Variants in FLOT1 observed in about 807,000 individuals in gnomAD.
FLOT1 encodes the protein flotillin-1.
Under a neutral mutation model 58.4 loss-of-function variants are expected in FLOT1, and 40 were observed. The ratio of observed to expected loss-of-function variants is 0.69; its 90% CI spans 0.53 to 0.89. FLOT1 has a LOEUF of 0.89. Ranked by LOEUF, FLOT1 falls within the 40% of genes least tolerant of loss-of-function variation. FLOT1 has a pLI of 0.00. For synonymous variants in FLOT1, 178 were observed against 204.2 expected (o/e 0.87, Z 1.09); for missense variants, 423 against 540.8 (o/e 0.78, Z 2.16).
chr6:30,728,262 T>C, intron 12 of FLOT1, 117 bp from the exon 13 acceptor site: 1 of 833,162 alleles, frequency 1.2e-6, no homozygotes, highest in Non-Finnish European at 2.0e-6. Flanking sequence ...CGGCCAGGGT[T>C]CTTTCTGGTG....
chr6:30,734,072 A>AAAG (rs1777397004), intron 8 of FLOT1, among the ~76,000 whole-genome samples: 1 of 145,076 alleles, frequency 6.9e-6, no homozygotes, highest in African/African-American at 2.6e-5. Flanking sequence ...AAAAAAAAAA[A>AAAG]GGAATCTGAA....
intron 8 of FLOT1, among the ~76,000 whole-genome samples, chr6:30,739,866 TG>T (rs1163929983): frequency 2.0e-5 from 3 of 150,592 alleles, no homozygotes; most frequent in Non-Finnish European, 4.4e-5. Flanking sequence ...TTCACCATGT[TG>T]CCCAGGCTGG....
chr6:30,742,270 T>TCCTTTC lies in FLOT1; in HGVS notation c.-14-73_-14-68dup. ...GCGCTGTGGCGTCCACAGGGGCCCATCCTTTCCCTTTCCCGTCAGGCCCTC... is the reference window on the plus strand; with the variant it reads ...GCGCTGTGGCGTCCACAGGGGCCCATCCTTTCCCTTTCCCTTTCCCGTCAGGCCCTC... On this transcript the variant is annotated intron_variant, in intron 1 of 12. Coordinates refer to ENST00000376389, the MANE Select transcript of FLOT1 (RefSeq NM_005803.4). The surrounding 1 kb of genome is among the most constrained non-coding windows in gnomAD (Gnocchi z 5.2). 2 of 1,363,024 alleles carry TCCTTTC rather than the reference T, an allele frequency of 1.5e-6. No individual in the cohort carries two copies. The highest frequency in any genetic ancestry group is 1.2e-5 in the South Asian group (1 of 86,038). The allele number at this position is 1,363,024 out of a possible 1,614,324, so 84.4% of individuals were successfully genotyped here. A position where few individuals can be genotyped will look rare whatever the true frequency, so the allele number is the denominator to read the frequency against.
intron 8 of FLOT1, among the ~76,000 whole-genome samples, chr6:30,731,557 T>C (rs1355155555): frequency 2.0e-5 from 3 of 150,200 alleles, no homozygotes; most frequent in African/African-American, 7.4e-5. Context: ...GCCAGTCCAG[T>C]GGAGTCCAGT....
chr6:30,741,057 G>C lies in FLOT1; in HGVS notation c.354+133C>G. On this transcript the variant is annotated intron_variant, in intron 5 of 12. Coordinates refer to ENST00000376389, the MANE Select transcript of FLOT1 (RefSeq NM_005803.4). This position sits in a 1 kb window ranked among gnomAD's most constrained non-coding sequence, Gnocchi z 5.9. The stretch of plus-strand genomic sequence containing the variant: ...CCACCTTGGCATCCCAAAGTGCTGG[G>C]ATTACAGGCATGAACCACCCTGCCC... The C allele has an allele frequency of 8.4e-7, 1 of 1,187,722 alleles. No homozygotes were observed. The highest frequency in any genetic ancestry group is 1.2e-6 in the Non-Finnish European group (1 of 850,152). 73.6% of individuals were successfully genotyped at this position (1,187,722 alleles called of 1,614,324 possible).
chr6:30,741,576 G>T lies in FLOT1; in HGVS notation c.210+38C>A, dbSNP rs757383948. 13 of 1,470,960 alleles carry T rather than the reference G, an allele frequency of 8.8e-6. No homozygotes were observed. The South Asian group carries it at 1.1e-4, about 13-fold the overall frequency. The allele number at this position is 1,470,960 out of a possible 1,614,324, so 91.1% of individuals were successfully genotyped here. A position where few individuals can be genotyped will look rare whatever the true frequency, so the allele number is the denominator to read the frequency against. On this transcript the variant is annotated intron_variant, in intron 4 of 12. Coordinates refer to ENST00000376389, the MANE Select transcript of FLOT1 (RefSeq NM_005803.4). The surrounding 1 kb of genome is among the most constrained non-coding windows in gnomAD (Gnocchi z 5.9). Reference sequence around the variant, plus strand: ...TAATGTCTGGGAGAGAGGGTGATGGGGAAGTGGACTGTGGGGAAAAGGCTC... The same window carrying T: ...TAATGTCTGGGAGAGAGGGTGATGGTGAAGTGGACTGTGGGGAAAAGGCTC...
rs1207078482 is a variant in FLOT1, at chr6:30,737,254, G to GTCCATCCATCCATCCA, written c.723+2888_723+2903dup. On this transcript the variant is annotated intron_variant, in intron 8 of 12. Coordinates refer to ENST00000376389, the MANE Select transcript of FLOT1 (RefSeq NM_005803.4). The surrounding 1 kb of genome is among the most constrained non-coding windows in gnomAD (Gnocchi z 4.4). ...CGTCCGTCCGTCCGTCCGTCCATCC[G>GTCCATCCATCCATCCA]TCCATCCATCCATCCATATATCTAT... Among the ~76,000 whole-genome samples, 4 of 143,232 alleles carry GTCCATCCATCCATCCA rather than the reference G, an allele frequency of 2.8e-5. No homozygotes were observed. Among genetic ancestry groups the GTCCATCCATCCATCCA allele is most frequent in the African/African-American group, 1.0e-4 (4 of 39,972 alleles). 94.0% of individuals were successfully genotyped at this position (143,232 alleles called of 152,430 possible). A position where few individuals can be genotyped will look rare whatever the true frequency, so the allele number is the denominator to read the frequency against.
Position 30,730,071 on chromosome 6 carries a change from G to A in FLOT1, c.1205C>T (p.Thr402Ile), listed in dbSNP as rs1265731685. The part of the protein sequence containing the change: ...KVTGEVLDIL[T>I]RLPESVERLT... ...TCTTTCCACACTCTCTGGCAGGCGA[G>A]TTAGAATGTCCAGTACTTCCCCAGT... Residue 402 changes from threonine (T) to isoleucine (I), a missense_variant, in exon 12 of 13, where the codon ACT (threonine) becomes ATT (isoleucine). By Grantham distance (89) the Thr-to-Ile change is moderately conservative (BLOSUM62 -1). This residue lies in a region of FLOT1 where 44 missense variants were observed against 40.3 expected (regional missense o/e 1.09). Coordinates refer to ENST00000376389, the MANE Select transcript of FLOT1 (RefSeq NM_005803.4). 1 of 1,613,056 alleles carries A rather than the reference G, an allele frequency of 6.2e-7. No homozygotes were observed. Among genetic ancestry groups the A allele is most frequent in the Admixed American group, 1.7e-5 (1 of 60,024 alleles).
Position 30,737,246 on chromosome 6 carries a change from G to GTCCGTCCGTCCGTCCATCCATCCA in FLOT1, c.723+2911_723+2912insTGGATGGATGGACGGACGGACGGA, listed in dbSNP as rs1554208614. ...CGTCCGTCCGTCCGTCCGTCCGTCC[G>GTCCGTCCGTCCGTCCATCCATCCA]TCCATCCGTCCATCCATCCATCCAT... On this transcript the variant is annotated intron_variant, in intron 8 of 12. Transcript: ENST00000376389. The surrounding 1 kb of genome is among the most constrained non-coding windows in gnomAD (Gnocchi z 4.4). Among the ~76,000 whole-genome samples the GTCCGTCCGTCCGTCCATCCATCCA allele has an allele frequency of 1.4e-5, 2 of 145,398 alleles. No homozygotes were observed. Among genetic ancestry groups the GTCCGTCCGTCCGTCCATCCATCCA allele is most frequent in the African/African-American group, 2.6e-5 (1 of 38,996 alleles).
At position 30,739,987 on chromosome 6, in the gene FLOT1, T is replaced by G. The variant is rs372292610; in HGVS notation, c.723+171A>C. ...GGCCTTTTCTTTAAAGCTTTTCAGC[T>G]GTAACGTCTGAGTCTTTTAAATCTC... On this transcript the variant is annotated intron_variant, in intron 8 of 12. Coordinates refer to ENST00000376389, the MANE Select transcript of FLOT1 (RefSeq NM_005803.4). Among the ~76,000 whole-genome samples the G allele has an allele frequency of 1.6e-4, 24 of 152,368 alleles. 2 individuals are homozygous for G. The highest frequency in any genetic ancestry group is 1.2e-3 in the East Asian group (6 of 5,194).
At position 30,741,852 on chromosome 6, in the gene FLOT1, G is replaced by C; in HGVS notation, c.59C>G (p.Pro20Arg). The change falls in exon 3 of 13, where the codon CCC becomes CGC. Residue 20 changes from proline to arginine, a missense_variant. Transcript: ENST00000376389. This position sits in a 1 kb window ranked among gnomAD's most constrained non-coding sequence, Gnocchi z 5.9. ...AMVVSGFCRS[P>R]PVMVAGGRVF... ...ACGCCCTCCAGCCACCATGACTGGG[G>C]GGCTTCGGCAGAACCCTGCAAGGTG... 6.2e-7 allele frequency: 1 copy of C among 1,612,748 alleles called. No homozygotes were observed. Among genetic ancestry groups the C allele is most frequent in the Non-Finnish European group, 8.5e-7 (1 of 1,180,024 alleles).
At chr6:30,734,491 T>C (rs913111584) in intron 8 of FLOT1, among the ~76,000 whole-genome samples, 1 of 151,644 alleles carries the variant, frequency 6.6e-6, no homozygotes, top group East Asian at 1.9e-4. Flanking sequence ...TGTATTTTTA[T>C]AGAGTTGGGG....
chr6:30,739,909 G>A (rs561974895), intron 8 of FLOT1, among the ~76,000 whole-genome samples: 3 of 152,290 alleles, frequency 2.0e-5, no homozygotes, highest in East Asian at 1.9e-4. Context: ...CAATCAGCCC[G>A]CCTTGGCCTC....
chr6:30,740,333 G>A (rs1777878137), intron 7 of FLOT1, 23 bp from the exon 8 acceptor site: 1 of 1,612,674 alleles, frequency 6.2e-7, no homozygotes. Context: ...AGATCAGGTA[G>A]GAAATGTCAG....
At chr6:30,740,472 C>T (rs1562194194) in intron 7 of FLOT1, 24 bp downstream of exon 7, 1 of 1,609,338 alleles carries the variant, frequency 6.2e-7, no homozygotes, top group Non-Finnish European at 8.5e-7. Context: ...CCCTTTCCCA[C>T]TAAGCAACCC....
intron 8 of FLOT1, among the ~76,000 whole-genome samples, chr6:30,733,045 C>CT (rs1473079743): frequency 1.3e-5 from 2 of 151,886 alleles, no homozygotes; most frequent in Admixed American, 6.6e-5. Context: ...TTTATTCTAC[C>CT]TTTTTTTGAG....
intron 8 of FLOT1, among the ~76,000 whole-genome samples, chr6:30,734,859 A>G (rs1488119940): frequency 6.6e-6 from 1 of 152,114 alleles, no homozygotes; most frequent in Non-Finnish European, 1.5e-5. Flanking sequence ...AGCTGGGATT[A>G]CAGTCACCAT....
chr6:30,735,426 AC>A (rs200896666), intron 8 of FLOT1, among the ~76,000 whole-genome samples: 1,944 of 151,024 alleles, frequency 0.013, 19 homozygotes, highest in Non-Finnish European at 0.019. Context: ...AGCCTGGCCG[AC>A]ATGGTGAAAC....
At chr6:30,734,046 GAAAAAAAAAAA>G (rs796499603) in intron 8 of FLOT1, among the ~76,000 whole-genome samples, 1 of 48,782 alleles carries the variant, frequency 2.0e-5, no homozygotes, top group Non-Finnish European at 4.1e-5. Flanking sequence ...CCCTGTCTCT[GAAAAAAAAAAA>G]AAAAAAAAAA....
Sources: gnomAD v4.1 joint callset for allele counts (sites outside exome capture counted in the v4.1 genomes callset) on GRCh38, gnomAD v4.1.1 for gene constraint, gnomAD v4.1.1 regional missense constraint, Gnocchi (gnomAD v3.1) non-coding constraint, MANE v1.5 for transcripts, NCBI Gene and HGNC (gene_info 2026-07-23, HGNC 2026-07-21) for gene names.